Variants in LDB2 observed in about 807,000 individuals in gnomAD.
LDB2 encodes the protein LIM domain binding 2, also known as LIM domain-binding protein 2.
Under a neutral mutation model 44.3 loss-of-function variants are expected in LDB2, and 12 were observed. The observed-to-expected ratio is 0.27, with a 90% confidence interval of 0.17 to 0.44. LDB2 has a LOEUF of 0.44. Among genes scored for constraint, LDB2 ranks in the 20% least tolerant of loss-of-function variants. LDB2 has a pLI of 1.00. For synonymous variants in LDB2, 164 were observed against 174.8 expected, an observed-to-expected ratio of 0.94 and a Z score of 0.49; for missense variants, 344 against 473.5, an observed-to-expected ratio of 0.73 and a Z score of 2.54.
chr4:16,564,872 GA>G (rs1210868779), intron 5 of LDB2, among the ~76,000 whole-genome samples: 3 of 151,554 alleles, frequency 2.0e-5, no homozygotes, highest in Non-Finnish European at 2.9e-5. Flanking sequence ...TTTGGAGAAA[GA>G]AAAAAAAGAA....
At chr4:16,819,477 A>G (rs975457516) in intron 1 of LDB2, among the ~76,000 whole-genome samples, 6 of 150,918 alleles carry the variant, frequency 4.0e-5, no homozygotes, top group Non-Finnish European at 4.4e-5. Context: ...AAAAAAAAAA[A>G]AAAGAAATTT....
intron 5 of LDB2, among the ~76,000 whole-genome samples, chr4:16,517,902 GAT>G (rs1724433073): frequency 1.3e-5 from 2 of 152,000 alleles, no homozygotes. Context: ...TGGATGGATG[GAT>G]GGATGGATGG....
intron 2 of LDB2, among the ~76,000 whole-genome samples, chr4:16,729,018 A>G (rs1009265212): frequency 1.3e-5 from 2 of 152,224 alleles, no homozygotes; most frequent in African/African-American, 4.8e-5. Context: ...GTATAGATCT[A>G]TGGTCTGCTA....
In LDB2 at chr4:16,842,999, A is replaced by G. The variant is rs146212418; in HGVS notation, c.132+55355T>C. Reference sequence around the variant, plus strand: ...ACAAAAAGAAAATATTGCAAAGAGCAATATTGCCAACAGAAAAAAGACAGT... The same window carrying G: ...ACAAAAAGAAAATATTGCAAAGAGCGATATTGCCAACAGAAAAAAGACAGT... On this transcript the variant is annotated intron_variant, in intron 1 of 7. Transcript: ENST00000304523. Among the ~76,000 whole-genome samples the G allele has an allele frequency of 9.2e-5, 14 of 152,292 alleles. No homozygotes were observed. The East Asian group carries it at 2.7e-3, about 29-fold the overall frequency.
At position 16,831,772 on chromosome 4, in the gene LDB2, A is replaced by G. The variant is rs533873756; in HGVS notation, c.132+66582T>C. On this transcript the variant is annotated intron_variant, in intron 1 of 7. Coordinates refer to ENST00000304523, the MANE Select transcript of LDB2 (RefSeq NM_001290.5). ...GTCCAGACATGTCTCTCTGGAAACTAAGTGTGACCATGTAAGCAAGCATTA... is the reference window on the plus strand; with the variant it reads ...GTCCAGACATGTCTCTCTGGAAACTGAGTGTGACCATGTAAGCAAGCATTA... Among the ~76,000 whole-genome samples the G allele has an allele frequency of 2.4e-4, 36 of 152,292 alleles. No homozygotes were observed. The South Asian group carries it at 7.3e-3, about 31-fold the overall frequency.
At chr4:16,892,161 G>A (rs1439487812) in intron 1 of LDB2, among the ~76,000 whole-genome samples, 3 of 152,150 alleles carry the variant, frequency 2.0e-5, no homozygotes, top group Admixed American at 1.3e-4. Flanking sequence ...TTTCACTACA[G>A]GAATATGCCC....
At chr4:16,780,465 C>T (rs940640894) in intron 1 of LDB2, among the ~76,000 whole-genome samples, 5 of 152,136 alleles carry the variant, frequency 3.3e-5, no homozygotes, top group African/African-American at 4.8e-5. Context: ...TCAAGTGATC[C>T]GGCTGCCTCA....
intron 2 of LDB2, among the ~76,000 whole-genome samples, chr4:16,712,940 T>G (rs1407266748): frequency 6.6e-6 from 1 of 152,178 alleles, no homozygotes; most frequent in Non-Finnish European, 1.5e-5. Flanking sequence ...TGCCAAAAAG[T>G]GGACATAACT....
intron 1 of LDB2, among the ~76,000 whole-genome samples, chr4:16,799,242 T>C (rs1336600261): frequency 6.6e-6 from 1 of 152,200 alleles, no homozygotes; most frequent in African/African-American, 2.4e-5. Flanking sequence ...TGCAATCCTG[T>C]AAAAGTCTGG....
At chr4:16,558,927 T>A (rs1473841711) in intron 5 of LDB2, among the ~76,000 whole-genome samples, 1 of 152,180 alleles carries the variant, frequency 6.6e-6, no homozygotes, top group Admixed American at 6.5e-5. Context: ...AAGAAAAGAA[T>A]TTTCAACCCA....
chr4:16,598,108 C>A (rs926980011), intron 2 of LDB2, among the ~76,000 whole-genome samples: 2 of 152,130 alleles, frequency 1.3e-5, no homozygotes, highest in African/African-American at 4.8e-5. Flanking sequence ...CCCAAGTAAA[C>A]CATGACAATG....
chr4:16,636,754 T>C (rs1398940452), intron 2 of LDB2, among the ~76,000 whole-genome samples: 1 of 152,190 alleles, frequency 6.6e-6, no homozygotes, highest in African/African-American at 2.4e-5. Context: ...AACATGTTTT[T>C]TAAATTTGTA....
chr4:16,671,126 A>G (rs1744653782), intron 2 of LDB2, among the ~76,000 whole-genome samples: 1 of 151,808 alleles, frequency 6.6e-6, no homozygotes, highest in African/African-American at 2.4e-5. Flanking sequence ...AAAAACAAAA[A>G]AAACAAGTGC....
intron 2 of LDB2, among the ~76,000 whole-genome samples, chr4:16,742,303 C>A (rs1370108714): frequency 6.6e-6 from 1 of 152,122 alleles, no homozygotes; most frequent in Non-Finnish European, 1.5e-5. Context: ...AACTCCTGAC[C>A]TTGTGATCCG....
At chr4:16,781,212 G>A (rs1773150701) in intron 1 of LDB2, among the ~76,000 whole-genome samples, 1 of 152,172 alleles carries the variant, frequency 6.6e-6, no homozygotes, top group African/African-American at 2.4e-5. Context: ...CCAGGCTGAG[G>A]CATAAGAGTG....
chr4:16,538,735 C>A (rs530934588), intron 5 of LDB2, among the ~76,000 whole-genome samples: 1 of 152,320 alleles, frequency 6.6e-6, no homozygotes, highest in African/African-American at 2.4e-5. Context: ...TGATCAGTCA[C>A]TCATTCATTC....
intron 1 of LDB2, among the ~76,000 whole-genome samples, chr4:16,790,158 G>A (rs982733116): frequency 2.3e-4 from 35 of 152,160 alleles, no homozygotes; most frequent in African/African-American, 7.5e-4. Context: ...GTGCTTATAG[G>A]AAGGAAGTCT....
intron 2 of LDB2, among the ~76,000 whole-genome samples, chr4:16,602,842 A>G (rs1722930152): frequency 6.6e-6 from 1 of 152,198 alleles, no homozygotes; most frequent in Non-Finnish European, 1.5e-5. Context: ...AATTCTTAGC[A>G]TCATTAATTC....
chr4:16,830,034 G>A (rs1412243826), intron 1 of LDB2, among the ~76,000 whole-genome samples: 1 of 152,122 alleles, frequency 6.6e-6, no homozygotes, highest in East Asian at 1.9e-4. Context: ...GAACCTGGGA[G>A]GTGGAGGTTG....
Sources: gnomAD v4.1 joint callset for allele counts (sites outside exome capture counted in the v4.1 genomes callset) on GRCh38, gnomAD v4.1.1 for gene constraint, MANE v1.5 for transcripts, NCBI Gene and HGNC (gene_info 2026-07-23, HGNC 2026-07-21) for gene names.